Variants in ENOX1 observed in about 807,000 individuals in gnomAD.
ENOX1 encodes ecto-NOX disulfide-thiol exchanger 1, also known as candidate growth-related and time keeping constitutive hydroquinone (NADH) oxidase.
A neutral mutation model predicts 82.5 loss-of-function variants in ENOX1; 42 were observed. The ratio of observed to expected loss-of-function variants is 0.51; its 90% CI spans 0.40 to 0.66. ENOX1 has a LOEUF of 0.66. Ranked by LOEUF, ENOX1 falls within the 30% of genes least tolerant of loss-of-function variation. The pLI, the probability that ENOX1 is intolerant of heterozygous loss-of-function variation, is 0.00. For missense variants in ENOX1, 608 were observed against 811.6 expected (o/e 0.75, Z 3.05); for synonymous variants, 271 against 282.2 (o/e 0.96, Z 0.40).
chr13:43,351,399 T>TTTTA (rs202101468), intron 8 of ENOX1, among the ~76,000 whole-genome samples: 30,297 of 144,906 alleles, frequency 0.21, 3,295 homozygotes, highest in South Asian at 0.32. Flanking sequence ...TTTCTTTTTA[T>TTTTA]TTTATTTATT....
At chr13:43,753,423 C>T (rs1324885077) in intron 1 of ENOX1, among the ~76,000 whole-genome samples, 2 of 152,134 alleles carry the variant, frequency 1.3e-5, no homozygotes, top group African/African-American at 4.8e-5. Context: ...ATTTTTGATA[C>T]TATTGTAAAT....
At position 43,213,928 on chromosome 13, in the gene ENOX1, C is replaced by T. The variant is rs370194221; in HGVS notation, c.*62G>A. On this transcript the variant is annotated 3_prime_UTR_variant, in exon 17 of 17. Coordinates refer to ENST00000690772, the MANE Select transcript of ENOX1 (RefSeq NM_001347969.2). ...ACCAACCCCACACCTCCTGCTTCCC[C>T]GTCGCACCGCCCTGGCCAGGTTCAC... is the stretch of plus-strand genomic sequence containing the variant. 29 of 1,562,922 alleles carry T rather than the reference C, an allele frequency of 1.9e-5. No individual in the cohort carries two copies. Among genetic ancestry groups the T allele is most frequent in the Admixed American group, 1.1e-4 (6 of 56,474 alleles).
At chr13:43,354,706 C>T (rs74867187) in intron 8 of ENOX1, among the ~76,000 whole-genome samples, 1,716 of 152,280 alleles carry the variant, frequency 0.011, 34 homozygotes, top group African/African-American at 0.039. Context: ...CCAGCAATAG[C>T]CTTCAGGGCT....
At position 43,359,884 on chromosome 13, in the gene ENOX1, C is replaced by T. The variant is rs766738947; in HGVS notation, c.556G>A (p.Glu186Lys). 1 of 1,614,194 alleles carries T rather than the reference C, an allele frequency of 6.2e-7. No individual in the cohort carries two copies. Residue 186 changes from glutamate to lysine, a missense_variant, in exon 7 of 17, where the codon GAA becomes AAA. Transcript: ENST00000690772. ...TAAATGGCTTTATCAACCATGAATT[C>T]CTCTGCAAAGCGAATGTGACAAAAA... ...KNFCHIRFAE[E>K]FMVDKAIYLS...
chr13:43,423,908 G>A (rs77467272), intron 3 of ENOX1, among the ~76,000 whole-genome samples: 2,361 of 152,254 alleles, frequency 0.016, 67 homozygotes, highest in African/African-American at 0.054. Context: ...AATGTAAACA[G>A]AATGTTGTAA....
chr13:43,453,075 T>C (rs1230269238), intron 3 of ENOX1, among the ~76,000 whole-genome samples: 4 of 152,198 alleles, frequency 2.6e-5, no homozygotes, highest in South Asian at 2.1e-4. Flanking sequence ...ATATCATTAT[T>C]TGTGGACTTC....
chr13:43,513,394 C>T (rs982281220), intron 2 of ENOX1, among the ~76,000 whole-genome samples: 5 of 152,068 alleles, frequency 3.3e-5, no homozygotes, highest in East Asian at 1.9e-4. Flanking sequence ...GAAAAAAGAC[C>T]GGAGAGGTGA....
At chr13:43,639,870 A>G (rs918847918) in intron 2 of ENOX1, among the ~76,000 whole-genome samples, 7 of 152,126 alleles carry the variant, frequency 4.6e-5, no homozygotes, top group Admixed American at 3.9e-4. Context: ...CTCTACTAAA[A>G]ATATGAACAT....
intron 3 of ENOX1, among the ~76,000 whole-genome samples, chr13:43,417,593 C>T (rs1047720650): frequency 6.6e-6 from 1 of 152,098 alleles, no homozygotes; most frequent in African/African-American, 2.4e-5. Flanking sequence ...AATTTCTCTG[C>T]CTTAGTTTTA....
intron 2 of ENOX1, among the ~76,000 whole-genome samples, chr13:43,651,984 A>C (rs912083061): frequency 1.3e-5 from 2 of 151,778 alleles, no homozygotes; most frequent in East Asian, 3.9e-4. Flanking sequence ...AAAAAAAAAA[A>C]AAAAAAAAAA....
chr13:43,707,649 C>T (rs1267016030), intron 1 of ENOX1, among the ~76,000 whole-genome samples: 4 of 138,796 alleles, frequency 2.9e-5, no homozygotes, highest in South Asian at 2.5e-4. Flanking sequence ...AGGAGAATGG[C>T]GTGAACCCGG....
rs573436547 is a variant in ENOX1 at position 43,513,911 on chromosome 13, G to A, written c.-218-29759C>T. Among the ~76,000 whole-genome samples the A allele has an allele frequency of 1.4e-4, 22 of 152,166 alleles. 2 individuals carry two copies. The South Asian group carries it at 4.6e-3, about 32-fold the overall frequency. ...AACTATGATTCTGCATTAATTTATT[G>A]TATAAATGTTTTCATAGAAAACATC... On this transcript the variant is annotated intron_variant, in intron 2 of 16. Transcript: ENST00000690772.
At chr13:43,237,977 G>T (rs1194804676) in intron 14 of ENOX1, among the ~76,000 whole-genome samples, 1 of 152,180 alleles carries the variant, frequency 6.6e-6, no homozygotes, top group African/African-American at 2.4e-5. Context: ...TCCACTTAAG[G>T]TCCCACTTAT....
Position 43,265,448 on chromosome 13 carries a change from CT to C in ENOX1, c.1560del (p.Gly521ValfsTer22). The C allele has an allele frequency of 6.2e-7, 1 of 1,610,932 alleles. No individual in the cohort carries two copies. On this transcript the variant is annotated frameshift_variant, in exon 14 of 17. Coordinates refer to ENST00000690772, the MANE Select transcript of ENOX1 (RefSeq NM_001347969.2). LOFTEE classifies it high-confidence loss of function. ...TTGGTCTCGACCAATTCCTTGGTAC[CT>C]TTTAACTGCAAATTTTAAGGAAAAA... ...ALLKVLQEQL[K>X]GTKELVETNG...
At chr13:43,455,801 T>A (rs867109995) in intron 3 of ENOX1, among the ~76,000 whole-genome samples, 1 of 151,930 alleles carries the variant, frequency 6.6e-6, no homozygotes, top group African/African-American at 2.4e-5. Context: ...GACGGTTTTA[T>A]AAGGGGAAAC....
rs144301012 is a variant in ENOX1, at chr13:43,465,272, C to T, written c.-75+18737G>A. On this transcript the variant is annotated intron_variant, in intron 3 of 16. Transcript: ENST00000690772. ...GAAAGACTCTATTTATTTATTTGTT[C>T]GATTGTTTATTTATATTAGGATGAA... Among the ~76,000 whole-genome samples the T allele has an allele frequency of 1.2e-4, 18 of 152,092 alleles. No homozygotes were observed. In the East Asian group the frequency reaches 2.1e-3, roughly 18 times the overall value.
At chr13:43,430,820 T>TA (rs555151130) in intron 3 of ENOX1, among the ~76,000 whole-genome samples, 143 of 152,340 alleles carry the variant, frequency 9.4e-4, no homozygotes, top group Middle Eastern at 3.4e-3. Context: ...GTGTAGCAGT[T>TA]AAAAAAATTG....
intron 1 of ENOX1, among the ~76,000 whole-genome samples, chr13:43,694,113 G>T (rs541971467): frequency 1.1e-4 from 17 of 151,924 alleles, no homozygotes; most frequent in Non-Finnish European, 2.5e-4. Flanking sequence ...TTGAGAAATA[G>T]AGCTGTTAAT....
chr13:43,451,209 A>AATAT (rs1301039240), intron 3 of ENOX1, among the ~76,000 whole-genome samples: 1 of 152,174 alleles, frequency 6.6e-6, no homozygotes, highest in Non-Finnish European at 1.5e-5. Flanking sequence ...CAAGGCACTG[A>AATAT]ATATATATAC....
Sources: gnomAD v4.1 joint callset for allele counts (sites outside exome capture counted in the v4.1 genomes callset) on GRCh38, gnomAD v4.1.1 for gene constraint, MANE v1.5 for transcripts, NCBI Gene and HGNC (gene_info 2026-07-23, HGNC 2026-07-21) for gene names.